Variants in LRRC37A2 observed in about 807,000 individuals in gnomAD.
LRRC37A2 encodes leucine-rich repeat-containing protein 37A2.
A neutral mutation model predicts 68.8 loss-of-function variants in LRRC37A2; 9 were observed. The observed-to-expected ratio is 0.13, with a 90% CI of 0.08 to 0.23. LRRC37A2 has a LOEUF of 0.23. Among genes scored for constraint, LRRC37A2 ranks in the 10% least tolerant of loss-of-function variants. The pLI, the probability that LRRC37A2 is intolerant of heterozygous loss-of-function variation, is 1.00. For synonymous variants in LRRC37A2, 63 were observed against 367.6 expected (o/e 0.17, Z 9.48); for missense variants, 168 against 950.4 (o/e 0.18, Z 10.82).
chr17:46,941,959 C>G, the LRRC37A2 span: 5 of 984,976 alleles, frequency 5.1e-6, no homozygotes, highest in Admixed American at 3.1e-4. Flanking sequence ...CAAAGATGAT[C>G]ACATTGGTGT....
the LRRC37A2 span, among the ~76,000 whole-genome samples, chr17:46,490,327 C>G: frequency 6.6e-6 from 1 of 151,170 alleles, no homozygotes; most frequent in African/African-American, 2.5e-5. Context: ...TTTGTTCACC[C>G]CATTTTTGAG....
the LRRC37A2 span, among the ~76,000 whole-genome samples, chr17:46,796,780 T>G: frequency 6.6e-6 from 1 of 152,232 alleles, no homozygotes; most frequent in Admixed American, 6.5e-5. Context: ...GGGGCTCAGC[T>G]GGATGGCTGA....
chr17:46,804,919 AC>A, the LRRC37A2 span, among the ~76,000 whole-genome samples: 928 of 57,488 alleles, frequency 0.016, 13 homozygotes, highest in African/African-American at 0.052. Flanking sequence ...CTCCCCGCCC[AC>A]CCCCCCCACC....
At chr17:46,740,694 T>C in the LRRC37A2 span, among the ~76,000 whole-genome samples, 1 of 151,230 alleles carries the variant, frequency 6.6e-6, no homozygotes, top group Non-Finnish European at 1.5e-5. Context: ...CAAGTTTTGC[T>C]CTTGTTGCCT....
At chr17:46,863,979 G>A in the LRRC37A2 span, among the ~76,000 whole-genome samples, 4 of 152,194 alleles carry the variant, frequency 2.6e-5, no homozygotes, top group Non-Finnish European at 1.5e-5. Flanking sequence ...AGGAGAACAA[G>A]TGGAATCTGC....
chr17:46,901,540 A>T, the LRRC37A2 span, among the ~76,000 whole-genome samples: 1 of 152,190 alleles, frequency 6.6e-6, no homozygotes, highest in Non-Finnish European at 1.5e-5. Flanking sequence ...GCTAAGACAC[A>T]TGAGGGAGCC....
At chr17:47,017,962 TGCA>T in the LRRC37A2 span, 1 of 1,562,938 alleles carries the variant, frequency 6.4e-7, no homozygotes, top group Non-Finnish European at 8.8e-7. Flanking sequence ...CCTTCTTCAA[TGCA>T]GCAGGAGGCC....
the LRRC37A2 span, among the ~76,000 whole-genome samples, chr17:46,405,913 A>C: frequency 6.7e-6 from 1 of 148,294 alleles, no homozygotes; most frequent in African/African-American, 2.5e-5. Context: ...TTGACCAAAA[A>C]GGCTGTTTTT....
the LRRC37A2 span, among the ~76,000 whole-genome samples, chr17:46,730,596 T>C: frequency 2.0e-5 from 3 of 152,200 alleles, no homozygotes; most frequent in Non-Finnish European, 2.9e-5. Context: ...CATTATCTTA[T>C]GCTTTTAAAT....
chr17:46,883,722 G>C, the LRRC37A2 span, among the ~76,000 whole-genome samples: 3 of 152,234 alleles, frequency 2.0e-5, no homozygotes, highest in African/African-American at 7.2e-5. Flanking sequence ...TGGGGACAGA[G>C]AGACGGGGTA....
the LRRC37A2 span, among the ~76,000 whole-genome samples, chr17:46,501,892 C>A: frequency 6.6e-6 from 1 of 151,134 alleles, no homozygotes; most frequent in South Asian, 2.1e-4. Flanking sequence ...TATACTATAC[C>A]CACTTTTGTA....
At chr17:46,918,157 G>A in the LRRC37A2 span, among the ~76,000 whole-genome samples, 2 of 152,294 alleles carry the variant, frequency 1.3e-5, no homozygotes, top group Non-Finnish European at 2.9e-5. Flanking sequence ...TCAGCTCACC[G>A]CAACCTCCGC....
At chr17:46,998,604 T>A in the LRRC37A2 span, 2 of 152,294 alleles carry the variant, frequency 1.3e-5, no homozygotes, top group East Asian at 3.9e-4. Flanking sequence ...GAGAACCAAC[T>A]GCATAATCCC....
At chr17:46,822,689 C>A in the LRRC37A2 span, among the ~76,000 whole-genome samples, 21 of 152,324 alleles carry the variant, frequency 1.4e-4, no homozygotes, top group East Asian at 3.5e-3. Flanking sequence ...ACCTCGCAAT[C>A]CCGGAGCTTA....
the LRRC37A2 span, chr17:46,721,749 C>A: frequency 6.2e-7 from 1 of 1,604,896 alleles, no homozygotes. Flanking sequence ...CTCTTGCCCA[C>A]AATTTCGCTT....
chr17:46,933,006 A>G, the LRRC37A2 span: 1 of 152,206 alleles, frequency 6.6e-6, no homozygotes, highest in Non-Finnish European at 1.5e-5. Context: ...TTTGCAATAA[A>G]TTTTCCCAAG....
the LRRC37A2 span, among the ~76,000 whole-genome samples, chr17:46,793,750 C>A: frequency 6.6e-6 from 1 of 152,214 alleles, no homozygotes; most frequent in South Asian, 2.1e-4. Flanking sequence ...ACGTTCCCAG[C>A]ACCTTCCAAC....
At chr17:46,621,250 G>A in the LRRC37A2 span, among the ~76,000 whole-genome samples, 2 of 150,122 alleles carry the variant, frequency 1.3e-5, no homozygotes, top group African/African-American at 5.0e-5. Context: ...AGCCGTTAAA[G>A]GCTTTTGTAT....
chr17:47,007,079 T>C, the LRRC37A2 span, among the ~76,000 whole-genome samples: 1 of 152,164 alleles, frequency 6.6e-6, no homozygotes, highest in South Asian at 2.1e-4. Context: ...CCTTTTCCCA[T>C]TTAGGAAAAA....
Sources: gnomAD v4.1 joint callset for allele counts (sites outside exome capture counted in the v4.1 genomes callset) on GRCh38, gnomAD v4.1.1 for gene constraint, MANE v1.5 for transcripts, NCBI Gene and HGNC (gene_info 2026-07-23, HGNC 2026-07-21) for gene names.